CTNNA3: variants seen among roughly 807,000 people sequenced by gnomAD.
CTNNA3 encodes catenin alpha 3.
Under a neutral mutation model 95.7 loss-of-function variants are expected in CTNNA3, and 76 were observed. That is an observed-to-expected ratio of 0.79 (90% CI 0.66 to 0.96). CTNNA3 has a LOEUF of 0.96. Among genes scored for constraint, CTNNA3 ranks in the 40% least tolerant of loss-of-function variants. The probability of loss-of-function intolerance (pLI) is 0.00; values close to 1 mark genes in which losing one functional copy is unlikely to be tolerated. For missense variants in CTNNA3, 1,191 were observed against 1,089.8 expected, an observed-to-expected ratio of 1.09 and a Z score of -1.31; for synonymous variants, 431 against 374.4, an observed-to-expected ratio of 1.15 and a Z score of -1.74.
chr10:66,259,229 G>C (rs964654024), intron 13 of CTNNA3, among the ~76,000 whole-genome samples: 8 of 152,088 alleles, frequency 5.3e-5, no homozygotes, highest in African/African-American at 1.9e-4. Context: ...CCATGAACAA[G>C]TTTTTCATGA....
chr10:66,332,199 A>G (rs1413977762), intron 12 of CTNNA3, among the ~76,000 whole-genome samples: 1 of 151,876 alleles, frequency 6.6e-6, no homozygotes, highest in Non-Finnish European at 1.5e-5. Flanking sequence ...AAACAGGGAC[A>G]ATTTGACTTC....
At chr10:67,231,379 G>A (rs1865201344) in intron 5 of CTNNA3, among the ~76,000 whole-genome samples, 1 of 152,226 alleles carries the variant, frequency 6.6e-6, no homozygotes, top group South Asian at 2.1e-4. Flanking sequence ...TGACCCCAGA[G>A]CAGCCTAACT....
At chr10:67,296,624 A>G (rs1299050238) in intron 5 of CTNNA3, among the ~76,000 whole-genome samples, 1 of 152,132 alleles carries the variant, frequency 6.6e-6, no homozygotes, top group East Asian at 1.9e-4. Context: ...TGGATGACCA[A>G]TGATGCTGTA....
chr10:65,992,390 C>T lies in CTNNA3; in HGVS notation c.2160-3593G>A, dbSNP rs183332006. 7.7e-4 allele frequency among the ~76,000 whole-genome samples: 117 copies of T among 152,082 alleles called. 1 individual carries two copies. The highest frequency in any genetic ancestry group is 2.7e-3 in the African/African-American group (112 of 41,522). ...GAACCAATTCTGGGCTTCTCTTTTT[C>T]GGGAGTCTTTTTGTTACTGATTCAA... On this transcript the variant is annotated intron_variant, in intron 15 of 17. Transcript: ENST00000433211.
chr10:67,056,550 G>A (rs1254487868), intron 7 of CTNNA3, among the ~76,000 whole-genome samples: 1 of 152,062 alleles, frequency 6.6e-6, no homozygotes, highest in Non-Finnish European at 1.5e-5. Context: ...AGCATCAAAG[G>A]ACAGGTTTGA....
At chr10:67,265,192 A>C (rs543117274) in intron 5 of CTNNA3, among the ~76,000 whole-genome samples, 1 of 152,274 alleles carries the variant, frequency 6.6e-6, no homozygotes, top group East Asian at 1.9e-4. Flanking sequence ...CTTTTAAAAT[A>C]ATCAAACTCA....
chr10:66,922,914 G>A (rs901705130), intron 7 of CTNNA3, among the ~76,000 whole-genome samples: 2 of 152,126 alleles, frequency 1.3e-5, no homozygotes, highest in African/African-American at 4.8e-5. Context: ...ATAAGGGTAA[G>A]TGTGGTATCC....
chr10:67,322,069 T>C (rs1005791944), intron 5 of CTNNA3, among the ~76,000 whole-genome samples: 2 of 152,148 alleles, frequency 1.3e-5, no homozygotes, highest in Admixed American at 6.5e-5. Context: ...CTGTGTCATT[T>C]TTCACTTGGG....
At chr10:66,438,177 A>G (rs2093351116) in intron 11 of CTNNA3, among the ~76,000 whole-genome samples, 2 of 152,206 alleles carry the variant, frequency 1.3e-5, no homozygotes, top group South Asian at 4.1e-4. Context: ...CACCGGGTTC[A>G]GGGACCCACT....
chr10:66,311,785 AT>A (rs999809223), intron 12 of CTNNA3, among the ~76,000 whole-genome samples: 5 of 152,016 alleles, frequency 3.3e-5, no homozygotes, highest in Admixed American at 6.6e-5. Context: ...TGGGAAAATA[AT>A]TTTTTTTACG....
chr10:67,520,587 A>C (rs987565848), intron 5 of CTNNA3, among the ~76,000 whole-genome samples: 1 of 152,154 alleles, frequency 6.6e-6, no homozygotes, highest in South Asian at 2.1e-4. Flanking sequence ...TAATACCTAG[A>C]TCATCATTAA....
intron 7 of CTNNA3, among the ~76,000 whole-genome samples, chr10:66,958,573 T>TA (rs1193853490): frequency 6.6e-6 from 1 of 152,032 alleles, no homozygotes; most frequent in Non-Finnish European, 1.5e-5. Flanking sequence ...ATTCAATAAG[T>TA]AAGTAAGCGA....
intron 13 of CTNNA3, among the ~76,000 whole-genome samples, chr10:66,200,078 T>C (rs1327620315): frequency 6.6e-6 from 1 of 151,474 alleles, no homozygotes; most frequent in East Asian, 1.9e-4. Context: ...AAGAAGCACA[T>C]GTATGTACAC....
intron 7 of CTNNA3, among the ~76,000 whole-genome samples, chr10:66,960,761 T>C (rs2132769187): frequency 6.6e-6 from 1 of 152,314 alleles, no homozygotes; most frequent in Non-Finnish European, 1.5e-5. Flanking sequence ...ATAGGATCTA[T>C]GGTGGATAGC....
chr10:67,200,598 G>C (rs910735001), intron 6 of CTNNA3, among the ~76,000 whole-genome samples: 1 of 152,080 alleles, frequency 6.6e-6, no homozygotes, highest in Admixed American at 6.5e-5. Context: ...CCAGGAATAG[G>C]AGTCTGTATC....
intron 9 of CTNNA3, among the ~76,000 whole-genome samples, chr10:66,670,158 C>T (rs747369329): frequency 2.7e-4 from 41 of 152,148 alleles, no homozygotes; most frequent in Non-Finnish European, 4.1e-4. Context: ...GGGGGGGATA[C>T]GCATTAGTTC....
At chr10:66,494,045 C>A (rs772319628) in intron 11 of CTNNA3, among the ~76,000 whole-genome samples, 1 of 142,856 alleles carries the variant, frequency 7.0e-6, no homozygotes, top group African/African-American at 3.0e-5. Flanking sequence ...GTAGCTAGGA[C>A]TACAGGCATG....
chr10:66,133,408 G>T (rs2083210471), intron 13 of CTNNA3, among the ~76,000 whole-genome samples: 1 of 152,150 alleles, frequency 6.6e-6, no homozygotes, highest in South Asian at 2.1e-4. Flanking sequence ...CCAGCTATGG[G>T]GGAGGCTGAG....
intron 7 of CTNNA3, among the ~76,000 whole-genome samples, chr10:67,039,770 T>C (rs1854281678): frequency 6.6e-6 from 1 of 152,180 alleles, no homozygotes; most frequent in Admixed American, 6.5e-5. Context: ...TAGATCTACT[T>C]GCTTAGTCCA....
Sources: allele counts gnomAD v4.1 joint callset (sites outside exome capture counted in the v4.1 genomes callset), GRCh38; gene constraint gnomAD v4.1.1; transcripts MANE v1.5; gene names NCBI Gene and HGNC (gene_info 2026-07-23, HGNC 2026-07-21).